Variants in SUPT3H observed in about 807,000 individuals in gnomAD.
The protein encoded by SUPT3H is SPT3 homolog, SAGA and STAGA complex component.
A neutral mutation model predicts 44.3 loss-of-function variants in SUPT3H; 44 were observed. The observed-to-expected ratio is 0.99, with a 90% CI of 0.78 to 1.28. The LOEUF (loss-of-function observed/expected upper bound fraction) is 1.28, where lower values mean the gene tolerates loss of function less well. Ranked by LOEUF, SUPT3H falls within the 50% of genes most tolerant of loss-of-function variation. SUPT3H has a pLI of 0.00. For synonymous variants in SUPT3H, 124 were observed against 125.6 expected, an observed-to-expected ratio of 0.99 and a Z score of 0.09; for missense variants, 380 against 387.1, an observed-to-expected ratio of 0.98 and a Z score of 0.15.
intron 2 of SUPT3H, among the ~76,000 whole-genome samples, chr6:45,351,737 T>G (rs555633476): frequency 6.6e-5 from 10 of 152,166 alleles, no homozygotes; most frequent in Non-Finnish European, 8.8e-5. Context: ...CCAAAGTTAG[T>G]GATCAGAACC....
chr6:45,297,814 A>G (rs972308548), intron 2 of SUPT3H, among the ~76,000 whole-genome samples: 72 of 152,302 alleles, frequency 4.7e-4, no homozygotes, highest in Middle Eastern at 3.4e-3. Context: ...CAGAGTAGAC[A>G]TCCAGTATGT....
chr6:45,280,024 A>G (rs1259394653), intron 2 of SUPT3H, among the ~76,000 whole-genome samples: 1 of 152,174 alleles, frequency 6.6e-6, no homozygotes, highest in Non-Finnish European at 1.5e-5. Context: ...TTTATTTTCA[A>G]TCCCCACATC....
intron 2 of SUPT3H, among the ~76,000 whole-genome samples, chr6:45,246,415 G>T (rs1453790922): frequency 1.3e-5 from 2 of 152,008 alleles, no homozygotes; most frequent in Non-Finnish European, 2.9e-5. Flanking sequence ...TTACATTCAG[G>T]TCTTTTATCA....
chr6:45,292,176 T>A (rs1041038071), intron 2 of SUPT3H, among the ~76,000 whole-genome samples: 1 of 152,160 alleles, frequency 6.6e-6, no homozygotes, highest in African/African-American at 2.4e-5. Context: ...GCATTTTGTA[T>A]CCAGTGAAAC....
At chr6:44,980,462 G>A (rs1778947226) in intron 6 of SUPT3H, among the ~76,000 whole-genome samples, 1 of 152,158 alleles carries the variant, frequency 6.6e-6, no homozygotes, top group African/African-American at 2.4e-5. Context: ...GATTCCCATA[G>A]AATGCTTACA....
intron 2 of SUPT3H, among the ~76,000 whole-genome samples, chr6:45,233,047 C>T (rs916732905): frequency 6.6e-6 from 1 of 152,166 alleles, no homozygotes; most frequent in Non-Finnish European, 1.5e-5. Context: ...CAGTTTATTT[C>T]AGCTGGGGGC....
intron 10 of SUPT3H, among the ~76,000 whole-genome samples, chr6:44,838,647 T>C (rs1770374846): frequency 6.6e-6 from 1 of 152,218 alleles, no homozygotes; most frequent in African/African-American, 2.4e-5. Context: ...TACCTACCAC[T>C]AAAGAGCTTA....
At chr6:45,279,112 T>C (rs2153665327) in intron 2 of SUPT3H, among the ~76,000 whole-genome samples, 1 of 152,348 alleles carries the variant, frequency 6.6e-6, no homozygotes, top group East Asian at 1.9e-4. Flanking sequence ...TGTTTCTTAG[T>C]GTTAACTACA....
At chr6:45,051,251 T>C (rs918068441) in intron 3 of SUPT3H, among the ~76,000 whole-genome samples, 3 of 151,874 alleles carry the variant, frequency 2.0e-5, no homozygotes, top group Non-Finnish European at 4.4e-5. Context: ...AGCTACAATA[T>C]GGGGAGGGAA....
chr6:45,000,546 A>T (rs968503292), intron 6 of SUPT3H, among the ~76,000 whole-genome samples: 12 of 152,212 alleles, frequency 7.9e-5, no homozygotes, highest in African/African-American at 2.9e-4. Flanking sequence ...TGAATGATAT[A>T]TCTGATTTCT....
chr6:45,163,498 G>C (rs898733657), intron 2 of SUPT3H, among the ~76,000 whole-genome samples: 8 of 152,046 alleles, frequency 5.3e-5, no homozygotes, highest in Admixed American at 2.0e-4. Flanking sequence ...GTAAAAGCTG[G>C]ATTATTGGCT....
In SUPT3H at chr6:45,164,464, G is replaced by T. The variant is rs538199454; in HGVS notation, c.102-58458C>A. Among the ~76,000 whole-genome samples, 101 of 152,258 alleles carry T rather than the reference G, an allele frequency of 6.6e-4. No individual in the cohort carries two copies. The South Asian group carries it at 7.9e-3, about 12-fold the overall frequency. ...CTACCAAGAATTACAAAAATTGACT[G>T]TATTTAGCTTTTCCAGTCTCCTTTA... On this transcript the variant is annotated intron_variant, in intron 2 of 10. Coordinates refer to ENST00000371459, the MANE Select transcript of SUPT3H (RefSeq NM_003599.4).
At chr6:45,177,313 G>A (rs907437459) in intron 2 of SUPT3H, among the ~76,000 whole-genome samples, 2 of 152,160 alleles carry the variant, frequency 1.3e-5, no homozygotes, top group African/African-American at 4.8e-5. Flanking sequence ...GGAAGAAAGG[G>A]TATCAGTGAT....
chr6:45,023,387 A>C (rs1785465551), intron 3 of SUPT3H, among the ~76,000 whole-genome samples: 1 of 152,050 alleles, frequency 6.6e-6, no homozygotes, highest in Non-Finnish European at 1.5e-5. Flanking sequence ...CTCAGAGCTA[A>C]AAGCAGAACT....
chr6:44,940,238 G>A (rs896606854), intron 9 of SUPT3H, among the ~76,000 whole-genome samples: 12 of 151,940 alleles, frequency 7.9e-5, no homozygotes, highest in South Asian at 6.2e-4. Flanking sequence ...GTTTCAGTGC[G>A]TTGTGTTTCC....
intron 2 of SUPT3H, among the ~76,000 whole-genome samples, chr6:45,353,603 CT>C (rs1208811352): frequency 6.6e-6 from 1 of 151,906 alleles, no homozygotes; most frequent in Non-Finnish European, 1.5e-5. Context: ...ACTTAGAACC[CT>C]CCCTGACATC....
intron 2 of SUPT3H, among the ~76,000 whole-genome samples, chr6:45,288,185 A>G (rs1276727965): frequency 6.6e-6 from 1 of 152,092 alleles, no homozygotes; most frequent in East Asian, 1.9e-4. Flanking sequence ...ACCTTTCACA[A>G]TATGATATCA....
At chr6:45,055,713 A>C (rs888706274) in intron 3 of SUPT3H, among the ~76,000 whole-genome samples, 3 of 152,198 alleles carry the variant, frequency 2.0e-5, no homozygotes, top group East Asian at 1.9e-4. Context: ...TGAAACCATA[A>C]AGATTCTAGA....
At position 45,366,237 on chromosome 6, in the gene SUPT3H, T is replaced by G. The variant is rs541754470; in HGVS notation, c.1-936A>C. On this transcript the variant is annotated intron_variant, in intron 1 of 10. Coordinates refer to ENST00000371459, the MANE Select transcript of SUPT3H (RefSeq NM_003599.4). ...TAGAACATATGATAAAGTAAAGCAGTGCAGAGGACTTTCAGTAAACTAAGA... is the reference window on the plus strand; with the variant it reads ...TAGAACATATGATAAAGTAAAGCAGGGCAGAGGACTTTCAGTAAACTAAGA... Among the ~76,000 whole-genome samples, 84 of 152,340 alleles carry G rather than the reference T, an allele frequency of 5.5e-4. No homozygotes were observed. The South Asian group carries it at 0.017, about 31-fold the overall frequency.
Sources: allele counts gnomAD v4.1 joint callset (sites outside exome capture counted in the v4.1 genomes callset), GRCh38; gene constraint gnomAD v4.1.1; transcripts MANE v1.5; gene names NCBI Gene and HGNC (gene_info 2026-07-23, HGNC 2026-07-21).